The following DST variants were observed in gnomAD, a reference collection of about 807,000 sequenced individuals.
DST encodes the protein bullous pemphigoid antigen.
A neutral mutation model predicts 875.2 loss-of-function variants in DST; 253 were observed. The observed-to-expected ratio is 0.29, with a 90% CI of 0.26 to 0.32. DST has a LOEUF of 0.32. DST is among the 10% of genes least tolerant of loss of function. The probability of loss-of-function intolerance (pLI) is 1.00; values close to 1 mark genes in which losing one functional copy is unlikely to be tolerated. For missense variants in DST, 8,287 were observed against 9,111.6 expected, an observed-to-expected ratio of 0.91 and a Z score of 3.68; for synonymous variants, 3,124 against 3,197.1, an observed-to-expected ratio of 0.98 and a Z score of 0.77.
At position 56,535,236 on chromosome 6, in the gene DST, C is replaced by T; in HGVS notation, c.16827G>A (p.Gln5609=). Residue 5609 remains glutamine (Q), a synonymous_variant, in exon 63 of 104, where the codon CAG becomes CAA. Coordinates refer to ENST00000680361, the MANE Select transcript of DST (RefSeq NM_001374736.1). ...QEALLHCGRF[Q]DALESLLSWM... ...AGCTGAGCAGGGACTCCAGGGCATC[C>T]TGGAACCTCCCACAGTGCAGCAAGG... 6.2e-7 allele frequency: 1 copy of T among 1,612,812 alleles called. No individual in the cohort carries two copies. Among genetic ancestry groups the T allele is most frequent in the Non-Finnish European group, 8.5e-7 (1 of 1,179,442 alleles).
At chr6:56,622,599 ATGT>A (rs1174204006) in intron 36 of DST, among the ~76,000 whole-genome samples, 1 of 145,020 alleles carries the variant, frequency 6.9e-6, no homozygotes, top group Non-Finnish European at 1.5e-5. Flanking sequence ...AAAAAAAATC[ATGT>A]TGTCTCTTGA....
rs1455766056 is a variant in DST, at chr6:56,601,683, A to G, written c.11308-7T>C. On this transcript the variant is annotated splice_polypyrimidine_tract_variant and splice_region_variant and intron_variant, in intron 43 of 103. Coordinates refer to ENST00000680361, the MANE Select transcript of DST (RefSeq NM_001374736.1). ...CAAGGTCTTTTAATACATTCTGTTA[A>G]AAAAGTAGTACAAGCTATCAGTAGA... 2 of 1,508,784 alleles carry G rather than the reference A, an allele frequency of 1.3e-6. No homozygotes were observed. The highest frequency in any genetic ancestry group is 9.0e-7 in the Non-Finnish European group (1 of 1,109,880). The allele number at this position is 1,508,784 out of a possible 1,614,324, so 93.5% of individuals were successfully genotyped here. A position where few individuals can be genotyped will look rare whatever the true frequency, so the allele number is the denominator to read the frequency against.
chr6:56,908,884 G>A (rs1372441129), intron 2 of DST, among the ~76,000 whole-genome samples: 1 of 152,128 alleles, frequency 6.6e-6, no homozygotes, highest in African/African-American at 2.4e-5. Flanking sequence ...TACCCTATAT[G>A]GTCTAAAAGG....
At chr6:56,932,828 A>G (rs1811044867) in intron 2 of DST, among the ~76,000 whole-genome samples, 1 of 151,328 alleles carries the variant, frequency 6.6e-6, no homozygotes, top group Non-Finnish European at 1.5e-5. Flanking sequence ...GGTCCCAAGC[A>G]TAGAAATAAT....
chr6:56,646,548 A>C (rs1404956565), intron 13 of DST, among the ~76,000 whole-genome samples: 3 of 152,202 alleles, frequency 2.0e-5, no homozygotes, highest in African/African-American at 7.2e-5. Flanking sequence ...GTCTTTGGAA[A>C]AATAATTTGA....
chr6:56,697,510 T>A (rs774476425), intron 9 of DST, among the ~76,000 whole-genome samples: 33 of 152,198 alleles, frequency 2.2e-4, no homozygotes, highest in Non-Finnish European at 3.2e-4. Context: ...AAAAGATTTA[T>A]GGACAGAAAA....
At chr6:56,696,612 C>G (rs935419735) in intron 9 of DST, among the ~76,000 whole-genome samples, 3 of 152,170 alleles carry the variant, frequency 2.0e-5, no homozygotes, top group Non-Finnish European at 4.4e-5. Flanking sequence ...ACTGCTTCTA[C>G]CTCCCAACCC....
chr6:56,573,608 A>G, intron 51 of DST, 71 bp downstream of exon 51: 2 of 1,145,552 alleles, frequency 1.7e-6, no homozygotes, highest in South Asian at 1.4e-5. Flanking sequence ...CTTAAATCTA[A>G]CTACACTTTG....
At chr6:56,814,066 A>G (rs2099763799) in intron 4 of DST, among the ~76,000 whole-genome samples, 1 of 152,218 alleles carries the variant, frequency 6.6e-6, no homozygotes, top group East Asian at 1.9e-4. Flanking sequence ...ACTCAAAAAT[A>G]CATTGATTCT....
chr6:56,921,289 C>A (rs963468836), intron 2 of DST, among the ~76,000 whole-genome samples: 13 of 152,044 alleles, frequency 8.6e-5, no homozygotes, highest in Non-Finnish European at 5.9e-5. Flanking sequence ...TGTTTTAAAG[C>A]CAACTAAATG....
Position 56,757,807 on chromosome 6 carries a change from G to T in DST, c.626-22518C>A, listed in dbSNP as rs900112006. 9.2e-5 allele frequency among the ~76,000 whole-genome samples: 14 copies of T among 152,282 alleles called. No homozygotes were observed. In the East Asian group the frequency reaches 2.7e-3, roughly 29 times the overall value. On this transcript the variant is annotated intron_variant, in intron 4 of 103. Coordinates refer to ENST00000680361, the MANE Select transcript of DST (RefSeq NM_001374736.1). ...AGTCTGCAGGAACAAGAAGTAAGGA[G>T]CCTCTGTGGATGGTGGCTATAACCA... is the stretch of plus-strand genomic sequence containing the variant.
At chr6:56,867,949 G>C (rs1255081623) in intron 3 of DST, among the ~76,000 whole-genome samples, 1 of 152,134 alleles carries the variant, frequency 6.6e-6, no homozygotes, top group Non-Finnish European at 1.5e-5. Flanking sequence ...AAACAGACGG[G>C]TGTGCCTGGA....
chr6:56,814,268 T>G (rs1360948326), intron 4 of DST, among the ~76,000 whole-genome samples: 1 of 149,892 alleles, frequency 6.7e-6, no homozygotes, highest in African/African-American at 2.5e-5. Flanking sequence ...TATTTCACTT[T>G]GTTAAGTTTT....
chr6:56,913,658 ACT>A (rs1471537343), intron 2 of DST, among the ~76,000 whole-genome samples: 12 of 152,120 alleles, frequency 7.9e-5, no homozygotes, highest in African/African-American at 2.9e-4. Flanking sequence ...GGCCTTGAGC[ACT>A]CTGTTTCTAA....
At chr6:56,902,677 G>A (rs1053354696) in intron 2 of DST, among the ~76,000 whole-genome samples, 2 of 152,160 alleles carry the variant, frequency 1.3e-5, no homozygotes, top group Admixed American at 6.5e-5. Flanking sequence ...CCGCCCCTGC[G>A]TGCAAGCTCA....
chr6:56,586,383 T>C (rs1380066749), intron 49 of DST, among the ~76,000 whole-genome samples: 2 of 151,496 alleles, frequency 1.3e-5, no homozygotes, highest in Non-Finnish European at 2.9e-5. Context: ...TCTTTGTTGG[T>C]TTAAAGTCTG....
At chr6:56,581,557 T>C (rs376299440) in intron 49 of DST, among the ~76,000 whole-genome samples, 114 of 152,250 alleles carry the variant, frequency 7.5e-4, no homozygotes, top group African/African-American at 2.6e-3. Flanking sequence ...GAAAAAAAGG[T>C]GGAAGCAGGA....
At chr6:56,910,261 G>A (rs568306209) in intron 2 of DST, among the ~76,000 whole-genome samples, 1 of 152,088 alleles carries the variant, frequency 6.6e-6, no homozygotes, top group African/African-American at 2.4e-5. Context: ...AGAACTCCTG[G>A]GCTCAAGTGA....
intron 69 of DST, among the ~76,000 whole-genome samples, chr6:56,518,811 C>T (rs1043586230): frequency 6.6e-6 from 1 of 152,160 alleles, no homozygotes; most frequent in African/African-American, 2.4e-5. Flanking sequence ...AAGTCCAGTA[C>T]TGCCAGATCT....
Sources: allele counts gnomAD v4.1 joint callset (sites outside exome capture counted in the v4.1 genomes callset), GRCh38; gene constraint gnomAD v4.1.1; transcripts MANE v1.5; gene names NCBI Gene and HGNC (gene_info 2026-07-23, HGNC 2026-07-21).